DNAH8: variants seen among roughly 807,000 people sequenced by gnomAD.
The protein encoded by DNAH8 is dynein axonemal heavy chain 8, also known as axonemal beta dynein heavy chain 8.
DNAH8 carries 382 observed loss-of-function variants against 562.1 expected under a neutral mutation model. The observed-to-expected ratio is 0.68, with a 90% confidence interval of 0.63 to 0.74. DNAH8 has a LOEUF of 0.74. Among genes scored for constraint, DNAH8 ranks in the 30% least tolerant of loss-of-function variants. The pLI, the probability that DNAH8 is intolerant of heterozygous loss-of-function variation, is 0.00. For missense variants in DNAH8, 5,203 were observed against 5,620.4 expected (o/e 0.93, Z 2.37); for synonymous variants, 1,881 against 1,919.4 (o/e 0.98, Z 0.52).
In DNAH8 at chr6:38,805,581, A is replaced by C; in HGVS notation, c.3135A>C (p.Glu1045Asp). Residue 1045 changes from glutamate (E) to aspartate (D), a missense_variant, in exon 23 of 93, where the codon GAA (glutamate) becomes GAC (aspartate). Transcript: ENST00000327475. ...IVNEFDTHDK[E>D]DEFKKECKEV... Reference sequence around the variant, plus strand: ...ATGAGTTTGATACTCATGATAAAGAAGATGAATTTAAAAAGGTATTTATTG... The same window carrying C: ...ATGAGTTTGATACTCATGATAAAGACGATGAATTTAAAAAGGTATTTATTG... 6.4e-7 allele frequency: 1 copy of C among 1,554,018 alleles called. No homozygotes were observed.
intron 92 of DNAH8, among the ~76,000 whole-genome samples, chr6:39,029,578 G>C (rs145426968): frequency 3.5e-4 from 53 of 152,336 alleles, no homozygotes; most frequent in African/African-American, 1.1e-3. Flanking sequence ...TGCTGCCCTG[G>C]CCATGATTCC....
Position 39,030,210 on chromosome 6 carries a change from G to A in DNAH8, c.13942G>A (p.Val4648Met), listed in dbSNP as rs762646929. The A allele has an allele frequency of 9.3e-6, 15 of 1,613,964 alleles. No individual in the cohort carries two copies. The highest frequency in any genetic ancestry group is 7.7e-5 in the South Asian group (7 of 91,084). ...CAAGGTACTCTTCACGCAGTTACCC[G>A]TGCTCCACATCTTTGCCATTAACTC... ...TPKVLFTQLP[V>M]LHIFAINSTA... The change falls in exon 93 of 93, where the codon GTG becomes ATG. Residue 4648 changes from valine (V) to methionine (M), a missense_variant. Physicochemically the swap from Val to Met is conservative, Grantham distance 21 (BLOSUM62 1). Around this residue, in one of 6 missense-constraint regions of DNAH8, gnomAD observed 1,399 missense variants for 1,518.4 expected, o/e 0.92. Coordinates refer to ENST00000327475, the MANE Select transcript of DNAH8 (RefSeq NM_001206927.2).
intron 1 of DNAH8, among the ~76,000 whole-genome samples, chr6:38,715,911 TAAATAAATAAATAA>T (rs1195976479): frequency 6.2e-4 from 28 of 45,438 alleles, no homozygotes; most frequent in African/African-American, 4.0e-3. Context: ...TTAAAATAAA[TAAATAAATAAATAA>T]ATATATATAT....
chr6:38,902,391 C>T (rs1410111444), intron 62 of DNAH8, among the ~76,000 whole-genome samples: 2 of 152,134 alleles, frequency 1.3e-5, no homozygotes, highest in East Asian at 3.9e-4. Context: ...CCTAATCACC[C>T]CAGGGCCACA....
At chr6:38,830,936 A>T (rs969551611) in intron 30 of DNAH8, among the ~76,000 whole-genome samples, 3 of 152,154 alleles carry the variant, frequency 2.0e-5, no homozygotes, top group African/African-American at 7.2e-5. Context: ...TTATGTGTCT[A>T]TGAGGCTTAC....
rs557540977 is a variant in DNAH8, at chr6:38,910,973, C to T, written c.9741-495C>T. ...GGTTGCCTTGATTTCAAGGCCAATC[C>T]AGTGAACTTGGGAGACATTGGTTTT... On this transcript the variant is annotated intron_variant, in intron 65 of 92. Coordinates refer to ENST00000327475, the MANE Select transcript of DNAH8 (RefSeq NM_001206927.2). 6.6e-5 allele frequency among the ~76,000 whole-genome samples: 10 copies of T among 152,256 alleles called. 1 individual carries two copies. The South Asian group carries it at 2.1e-3, about 32-fold the overall frequency.
At chr6:38,940,694 A>G (rs985012899) in intron 79 of DNAH8, among the ~76,000 whole-genome samples, 4 of 152,222 alleles carry the variant, frequency 2.6e-5, no homozygotes, top group East Asian at 1.9e-4. Flanking sequence ...AGCCAGACAC[A>G]CAGCCACATC....
rs749192122 is a variant in DNAH8, at chr6:38,822,825, C to T, written c.3524-13C>T. The T allele has an allele frequency of 1.9e-6, 3 of 1,542,304 alleles. No homozygotes were observed. In the Admixed American group the frequency reaches 6.5e-5, roughly 33 times the overall value. On this transcript the variant is annotated splice_polypyrimidine_tract_variant and intron_variant, in intron 26 of 92. Coordinates refer to ENST00000327475, the MANE Select transcript of DNAH8 (RefSeq NM_001206927.2). ...ATAGAAGTTATTTATAGTGTAAAAACATCTGTTTTCAGGATCTTTTGAAGA... is the reference window on the plus strand; with the variant it reads ...ATAGAAGTTATTTATAGTGTAAAAATATCTGTTTTCAGGATCTTTTGAAGA...
intron 24 of DNAH8, among the ~76,000 whole-genome samples, chr6:38,811,580 A>ATT (rs1320749553): frequency 1.3e-5 from 2 of 152,018 alleles, no homozygotes; most frequent in Admixed American, 1.3e-4. Flanking sequence ...AGTTTAGCAA[A>ATT]TTTTTTATTT....
chr6:38,838,651 G>A (rs867047919), intron 33 of DNAH8, among the ~76,000 whole-genome samples: 4 of 151,728 alleles, frequency 2.6e-5, no homozygotes, highest in South Asian at 2.1e-4. Flanking sequence ...CGCCTGCCTC[G>A]GCCTCCCAAA....
chr6:38,980,955 T>C (rs2150710516), intron 85 of DNAH8, among the ~76,000 whole-genome samples: 1 of 151,850 alleles, frequency 6.6e-6, no homozygotes, highest in East Asian at 1.9e-4. Context: ...TTTTTTTAAA[T>C]GGTGGAATTA....
At chr6:38,884,342 G>A (rs1406714509) in intron 56 of DNAH8, among the ~76,000 whole-genome samples, 1 of 152,040 alleles carries the variant, frequency 6.6e-6, no homozygotes, top group African/African-American at 2.4e-5. Flanking sequence ...ACCCAAGCTC[G>A]AGTGCAGTGG....
intron 17 of DNAH8, 63 bp downstream of exon 17, chr6:38,783,202 G>C (rs1768818403): frequency 6.6e-7 from 1 of 1,519,562 alleles, no homozygotes; most frequent in Non-Finnish European, 9.0e-7. Context: ...TGAGTTCATA[G>C]TTCTGGAGAA....
At chr6:38,785,652 G>A (rs1257431046) in intron 17 of DNAH8, among the ~76,000 whole-genome samples, 1 of 151,934 alleles carries the variant, frequency 6.6e-6, no homozygotes, top group Non-Finnish European at 1.5e-5. Flanking sequence ...CCCCCGACAG[G>A]CCCTGGTGTG....
intron 21 of DNAH8, among the ~76,000 whole-genome samples, chr6:38,792,192 A>C (rs1275312869): frequency 1.3e-5 from 2 of 152,050 alleles, no homozygotes; most frequent in Non-Finnish European, 2.9e-5. Context: ...GGTTCAAGTG[A>C]TTCTCCTGCT....
intron 47 of DNAH8, among the ~76,000 whole-genome samples, chr6:38,867,719 C>A (rs1430731509): frequency 2.8e-5 from 4 of 140,646 alleles, no homozygotes; most frequent in Non-Finnish European, 4.5e-5. Context: ...CGCCACTGCA[C>A]TTCAGCCTGG....
rs569477511 is a variant in DNAH8 at position 38,904,231 on chromosome 6, G to C, written c.9195-2023G>C. Among the ~76,000 whole-genome samples, 7 of 152,340 alleles carry C rather than the reference G, an allele frequency of 4.6e-5. No homozygotes were observed. In the South Asian group the frequency reaches 1.5e-3, roughly 32 times the overall value. On this transcript the variant is annotated intron_variant, in intron 62 of 92. Transcript: ENST00000327475. Reference sequence around the variant, plus strand: ...GTGTCTGCAGAACACAGTGTCCATAGATAATAAGACTCATGGATGTGGAGT... The same window carrying C: ...GTGTCTGCAGAACACAGTGTCCATACATAATAAGACTCATGGATGTGGAGT...
At chr6:38,991,988 G>A (rs1253945628) in intron 88 of DNAH8, among the ~76,000 whole-genome samples, 1 of 150,484 alleles carries the variant, frequency 6.6e-6, no homozygotes, top group African/African-American at 2.4e-5. Context: ...TTTTTGCCAC[G>A]GAATTTCGCT....
chr6:38,838,085 A>T (rs1235882000), intron 33 of DNAH8, 43 bp downstream of exon 33: 2 of 1,227,136 alleles, frequency 1.6e-6, no homozygotes, highest in East Asian at 2.4e-5. Flanking sequence ...AAATAATTAA[A>T]TACTATCTAT....
Sources: gnomAD v4.1 joint callset for allele counts (sites outside exome capture counted in the v4.1 genomes callset) on GRCh38, gnomAD v4.1.1 for gene constraint, gnomAD v4.1.1 regional missense constraint, MANE v1.5 for transcripts, NCBI Gene and HGNC (gene_info 2026-07-23, HGNC 2026-07-21) for gene names.